AFF3: variants seen among roughly 807,000 people sequenced by gnomAD.
The protein encoded by AFF3 is ALF transcription elongation factor 3, also known as AF4/FMR2 family member 3.
In AFF3, 32 loss-of-function variants were observed where a neutral mutation model predicts 129.7. The ratio of observed to expected loss-of-function variants is 0.25; its 90% CI spans 0.19 to 0.33. The LOEUF (loss-of-function observed/expected upper bound fraction) is 0.33. Among genes scored for constraint, AFF3 ranks in the 10% least tolerant of loss-of-function variants. The pLI, the probability that AFF3 is intolerant of heterozygous loss-of-function variation, is 1.00. For missense variants in AFF3, 1,373 were observed against 1,592.0 expected (o/e 0.86, Z 2.34); for synonymous variants, 644 against 635.4 (o/e 1.01, Z -0.20).
intron 4 of AFF3, among the ~76,000 whole-genome samples, chr2:100,035,399 A>G (rs1281796685): frequency 6.6e-6 from 1 of 152,214 alleles, no homozygotes; most frequent in African/African-American, 2.4e-5. Context: ...ACATTTACTC[A>G]ACAGGAGTAA....
chr2:99,924,807 T>C (rs113156066), intron 7 of AFF3, among the ~76,000 whole-genome samples: 4 of 152,198 alleles, frequency 2.6e-5, no homozygotes, highest in African/African-American at 9.6e-5. Flanking sequence ...TAAAATGACA[T>C]ATAGAACCCA....
chr2:99,708,770 T>C (rs1002114144), intron 11 of AFF3, among the ~76,000 whole-genome samples: 2 of 152,196 alleles, frequency 1.3e-5, no homozygotes, highest in African/African-American at 2.4e-5. Context: ...AAAGATAAGA[T>C]GAAGATCTTA....
Position 99,990,389 on chromosome 2 carries a change from C to CAT in AFF3, c.873+16242_873+16243insAT, listed in dbSNP as rs566928087. Among the ~76,000 whole-genome samples the CAT allele has an allele frequency of 2.4e-4, 36 of 152,228 alleles. No individual in the cohort carries two copies. The South Asian group carries it at 6.9e-3, about 29-fold the overall frequency. On this transcript the variant is annotated intron_variant, in intron 7 of 24. Transcript: ENST00000672756. ...ACAATGTGAACAGAGTGAACACGAT[C>CAT]TAATTGTTCACTTTAAATAGTTAAG... is the stretch of plus-strand genomic sequence containing the variant.
intron 7 of AFF3, among the ~76,000 whole-genome samples, chr2:99,980,825 T>C (rs1679333080): frequency 6.6e-6 from 1 of 152,244 alleles, no homozygotes; most frequent in Non-Finnish European, 1.5e-5. Flanking sequence ...TCAGGTTCAC[T>C]GTAACAATTG....
chr2:99,565,373 A>G (rs1675863310), intron 20 of AFF3, 114 bp downstream of exon 20: 1 of 1,447,296 alleles, frequency 6.9e-7, no homozygotes, highest in African/African-American at 1.4e-5. Flanking sequence ...TGGGGGGATG[A>G]ACACTGGTTC....
intron 2 of AFF3, among the ~76,000 whole-genome samples, chr2:100,110,496 G>T (rs998647414): frequency 4.6e-5 from 7 of 152,238 alleles, no homozygotes; most frequent in African/African-American, 1.7e-4. Context: ...TAGTCCCCAT[G>T]CAGCCCTCGG....
At chr2:100,133,535 C>T in intron 1 of AFF3, among the ~76,000 whole-genome samples, 1 of 152,112 alleles carries the variant, frequency 6.6e-6, no homozygotes, top group East Asian at 1.9e-4. Flanking sequence ...GCCTGGAACT[C>T]CTGGACTCAA....
intron 8 of AFF3, among the ~76,000 whole-genome samples, chr2:99,791,531 G>A (rs1401879492): frequency 4.6e-5 from 7 of 152,198 alleles, no homozygotes; most frequent in Non-Finnish European, 8.8e-5. Flanking sequence ...TTTAACCTGT[G>A]AATGTGGAAC....
chr2:99,658,602 T>C (rs952611039), intron 12 of AFF3, among the ~76,000 whole-genome samples: 5 of 152,212 alleles, frequency 3.3e-5, no homozygotes, highest in Admixed American at 2.6e-4. Flanking sequence ...TTTATATTCA[T>C]AGAAAATATT....
At chr2:99,707,448 A>G (rs1340428961) in intron 11 of AFF3, 1 of 985,284 alleles carries the variant, frequency 1.0e-6, no homozygotes, top group Admixed American at 6.1e-5. Flanking sequence ...ATTTTTTTGC[A>G]TTTCAGCACG....
chr2:100,002,081 G>A (rs769045551), intron 7 of AFF3, among the ~76,000 whole-genome samples: 2 of 152,216 alleles, frequency 1.3e-5, no homozygotes, highest in Non-Finnish European at 2.9e-5. Context: ...CGACAGGTGG[G>A]GAAACTGAGT....
At chr2:99,677,968 G>A (rs936645657) in intron 11 of AFF3, among the ~76,000 whole-genome samples, 4 of 152,096 alleles carry the variant, frequency 2.6e-5, no homozygotes, top group Admixed American at 2.6e-4. Flanking sequence ...ACAGACGCCG[G>A]CTACCACGCC....
Position 99,604,295 on chromosome 2 carries a change from T to TA in AFF3, c.1185-2675dup, listed in dbSNP as rs757892462. ...TACCATGAAATACAATGCAACCATT[T>TA]AAAAAAAAAAGATTATGTCCTTTGC... On this transcript the variant is annotated intron_variant, in intron 13 of 24. Transcript: ENST00000672756. Among the ~76,000 whole-genome samples, 313 of 149,560 alleles carry TA rather than the reference T, an allele frequency of 2.1e-3. 1 individual carries two copies. Among genetic ancestry groups the TA allele is most frequent in the Non-Finnish European group, 2.8e-3 (188 of 67,208 alleles).
chr2:99,701,451 T>C (rs1034113825), intron 11 of AFF3, among the ~76,000 whole-genome samples: 9 of 152,300 alleles, frequency 5.9e-5, no homozygotes, highest in African/African-American at 1.9e-4. Context: ...TACACAAAAA[T>C]AGAAAGCTGC....
chr2:99,742,065 A>G (rs1680766502), intron 10 of AFF3, among the ~76,000 whole-genome samples: 1 of 152,188 alleles, frequency 6.6e-6, no homozygotes, highest in Admixed American at 6.5e-5. Flanking sequence ...TTATTTAAAA[A>G]TGAAAAAAGG....
intron 11 of AFF3, 37 bp from the exon 12 acceptor site, chr2:99,672,626 A>C: frequency 6.3e-7 from 1 of 1,596,102 alleles, no homozygotes. Flanking sequence ...AGAGGTACAG[A>C]TAGTTAGTGG....
In AFF3 at chr2:100,016,812, CTGATGGTGGTGGTGG is replaced by C. The variant is rs1391157645; in HGVS notation, c.54-7895_54-7881del. Among the ~76,000 whole-genome samples the C allele has an allele frequency of 3.7e-3, 435 of 118,392 alleles. 1 individual carries two copies. Among genetic ancestry groups the C allele is most frequent in the Non-Finnish European group, 5.4e-3 (297 of 54,874 alleles). 77.7% of individuals were successfully genotyped at this position (118,392 alleles called of 152,430 possible). A position where few individuals can be genotyped will look rare whatever the true frequency, so the allele number is the denominator to read the frequency against. On this transcript the variant is annotated intron_variant, in intron 4 of 24. Transcript: ENST00000672756. ...GGTGGTAATGGTGATGGCAGTGATG[CTGATGGTGGTGGTGG>C]TGATGGTGGTAATGGTGGTGGTGAT... is the stretch of plus-strand genomic sequence containing the variant.
At chr2:99,738,940 G>A (rs963766831) in intron 10 of AFF3, among the ~76,000 whole-genome samples, 6 of 151,342 alleles carry the variant, frequency 4.0e-5, no homozygotes, top group Non-Finnish European at 8.8e-5. Context: ...CTATTTTTAA[G>A]GTCTGGTACT....
At chr2:99,891,577 G>A (rs114591985) in intron 7 of AFF3, among the ~76,000 whole-genome samples, 1,841 of 152,308 alleles carry the variant, frequency 0.012, 41 homozygotes, top group African/African-American at 0.042. Context: ...GTGCGGGCAG[G>A]CGGGCGACTG....
Sources: allele counts gnomAD v4.1 joint callset (sites outside exome capture counted in the v4.1 genomes callset), GRCh38; gene constraint gnomAD v4.1.1; transcripts MANE v1.5; gene names NCBI Gene and HGNC (gene_info 2026-07-23, HGNC 2026-07-21).